Variants in LOC128706665 observed in about 807,000 individuals in gnomAD.
the LOC128706665 span, among the ~76,000 whole-genome samples, chr20:10,414,263 G>GTTTT: frequency 3.0e-5 from 4 of 133,714 alleles, no homozygotes; most frequent in Non-Finnish European, 3.1e-5. Context: ...AGGTCTCTGA[G>GTTTT]TCTTTTTTTT....
the LOC128706665 span, among the ~76,000 whole-genome samples, chr20:10,433,919 G>A: frequency 6.6e-6 from 1 of 152,224 alleles, no homozygotes; most frequent in Non-Finnish European, 1.5e-5. Context: ...ACCATCGGCA[G>A]CTATTTCAGA....
chr20:10,431,884 A>G, the LOC128706665 span: 1 of 152,314 alleles, frequency 6.6e-6, no homozygotes, highest in East Asian at 1.9e-4. Flanking sequence ...ACCTACTCAG[A>G]GAGCCTTTCT....
chr20:10,428,063 C>A, the LOC128706665 span, among the ~76,000 whole-genome samples: 1 of 152,236 alleles, frequency 6.6e-6, no homozygotes, highest in East Asian at 1.9e-4. Flanking sequence ...ATACTGAAAG[C>A]ATCATAAGTC....
At chr20:10,432,231 G>A in the LOC128706665 span, among the ~76,000 whole-genome samples, 1 of 152,220 alleles carries the variant, frequency 6.6e-6, no homozygotes, top group East Asian at 1.9e-4. Flanking sequence ...GACTGGTGGA[G>A]AACATCCTTG....
the LOC128706665 span, among the ~76,000 whole-genome samples, chr20:10,418,147 T>C: frequency 6.6e-6 from 1 of 152,258 alleles, no homozygotes; most frequent in Non-Finnish European, 1.5e-5. Flanking sequence ...TTATTCTTAC[T>C]GTTAAAGACA....
At chr20:10,433,562 T>C in the LOC128706665 span, among the ~76,000 whole-genome samples, 1 of 152,150 alleles carries the variant, frequency 6.6e-6, no homozygotes. Context: ...GGTATGGTCT[T>C]ATCGGGGAGG....
the LOC128706665 span, among the ~76,000 whole-genome samples, chr20:10,424,592 A>G: frequency 6.6e-6 from 1 of 152,154 alleles, no homozygotes; most frequent in Non-Finnish European, 1.5e-5. Context: ...CAAAAAAAAA[A>G]ATAGTTTTCA....
chr20:10,432,129 C>A, the LOC128706665 span, among the ~76,000 whole-genome samples: 4 of 152,208 alleles, frequency 2.6e-5, no homozygotes, highest in African/African-American at 9.6e-5. Flanking sequence ...TCCAGGGAAA[C>A]AGACATCTAA....
At chr20:10,417,395 G>T in the LOC128706665 span, among the ~76,000 whole-genome samples, 1 of 152,192 alleles carries the variant, frequency 6.6e-6, no homozygotes, top group African/African-American at 2.4e-5. Flanking sequence ...AGGATTGCTT[G>T]AGGCCAGAAA....
chr20:10,419,453 T>A, the LOC128706665 span, among the ~76,000 whole-genome samples: 34 of 152,266 alleles, frequency 2.2e-4, no homozygotes, highest in African/African-American at 7.5e-4. Flanking sequence ...AAACTCAATT[T>A]TCATATTAAG....
the LOC128706665 span, among the ~76,000 whole-genome samples, chr20:10,427,577 AT>A: frequency 3.0e-4 from 45 of 152,286 alleles, no homozygotes; most frequent in Non-Finnish European, 5.4e-4. Flanking sequence ...TTCAAAAGTT[AT>A]TTTTTATCCT....
the LOC128706665 span, among the ~76,000 whole-genome samples, chr20:10,419,684 C>T: frequency 7.2e-5 from 11 of 152,252 alleles, no homozygotes; most frequent in South Asian, 2.3e-3. Flanking sequence ...AACATAAGCG[C>T]GGAGATACCA....
At chr20:10,432,503 G>T in the LOC128706665 span, among the ~76,000 whole-genome samples, 1 of 152,136 alleles carries the variant, frequency 6.6e-6, no homozygotes, top group Non-Finnish European at 1.5e-5. Flanking sequence ...TTTAAAAATT[G>T]TGTAGTAGGC....
the LOC128706665 span, among the ~76,000 whole-genome samples, chr20:10,428,572 C>T: frequency 6.6e-6 from 1 of 152,210 alleles, no homozygotes; most frequent in Non-Finnish European, 1.5e-5. Context: ...GGCGCGGTGG[C>T]TCACGCCTCT....
At chr20:10,418,424 G>A in the LOC128706665 span, among the ~76,000 whole-genome samples, 1 of 152,094 alleles carries the variant, frequency 6.6e-6, no homozygotes, top group African/African-American at 2.4e-5. Flanking sequence ...ATGAAAATAA[G>A]AATAGAAAAT....
At chr20:10,427,703 T>C in the LOC128706665 span, among the ~76,000 whole-genome samples, 2 of 152,224 alleles carry the variant, frequency 1.3e-5, no homozygotes, top group African/African-American at 4.8e-5. Flanking sequence ...AACAGAACAA[T>C]CGTTTTCCTT....
chr20:10,414,776 A>G, the LOC128706665 span, among the ~76,000 whole-genome samples: 5 of 152,212 alleles, frequency 3.3e-5, no homozygotes, highest in African/African-American at 1.2e-4. Context: ...GTCTATATTT[A>G]GCTGAATAAT....
the LOC128706665 span, among the ~76,000 whole-genome samples, chr20:10,417,667 T>TCC: frequency 3.5e-5 from 2 of 56,358 alleles, no homozygotes; most frequent in Non-Finnish European, 7.1e-5. Context: ...TGTAGCCTTC[T>TCC]CTGTAAAAAA....
the LOC128706665 span, among the ~76,000 whole-genome samples, chr20:10,426,360 T>C: frequency 6.6e-6 from 1 of 152,332 alleles, no homozygotes. Flanking sequence ...GGCACACCCT[T>C]GAGGATCACT....
Sources: allele counts gnomAD v4.1 joint callset (sites outside exome capture counted in the v4.1 genomes callset), GRCh38; gene constraint gnomAD v4.1.1; transcripts MANE v1.5.